ROBO2: variants seen among roughly 807,000 people sequenced by gnomAD.
ROBO2 encodes roundabout homolog 2.
A neutral mutation model predicts 160.8 loss-of-function variants in ROBO2; 53 were observed. The observed-to-expected ratio is 0.33, with a 90% confidence interval of 0.26 to 0.41. The LOEUF (loss-of-function observed/expected upper bound fraction) is 0.41, where lower values mean the gene tolerates loss of function less well. Among genes scored for constraint, ROBO2 ranks in the 10% least tolerant of loss-of-function variants. The pLI is 1.00. For missense variants in ROBO2, 1,577 were observed against 1,722.4 expected, an observed-to-expected ratio of 0.92 and a Z score of 1.49; for synonymous variants, 664 against 611.7, an observed-to-expected ratio of 1.09 and a Z score of -1.26.
chr3:77,117,020 T>G (rs2150230332), intron 2 of ROBO2, among the ~76,000 whole-genome samples: 1 of 152,286 alleles, frequency 6.6e-6, no homozygotes, highest in Non-Finnish European at 1.5e-5. Context: ...TCAGATTTAA[T>G]AAGACAAAAG....
rs186723490 is a variant in ROBO2 at position 76,632,719 on chromosome 3, A to G, written c.110-465295A>G. Among the ~76,000 whole-genome samples the G allele has an allele frequency of 4.0e-4, 61 of 152,320 alleles. 1 individual carries two copies. The East Asian group carries it at 0.012, about 29-fold the overall frequency. On this transcript the variant is annotated intron_variant, in intron 2 of 26. Transcript: ENST00000487694. ...ATCACAAGGGTAGATTTCTCATTTA[A>G]CGAATTTCAAAAACATAAGTAATAT...
intron 25 of ROBO2, among the ~76,000 whole-genome samples, chr3:77,645,454 AT>A (rs2095403635): frequency 6.6e-6 from 1 of 152,182 alleles, no homozygotes; most frequent in Admixed American, 6.5e-5. Context: ...AATTTTCTAA[AT>A]GTAAAATACT....
chr3:76,948,195 CTT>C (rs1214951693), intron 2 of ROBO2, among the ~76,000 whole-genome samples: 2 of 152,126 alleles, frequency 1.3e-5, no homozygotes, highest in African/African-American at 4.8e-5. Context: ...AATTTTCACT[CTT>C]GGCAGAAAAG....
At chr3:77,046,072 G>A (rs748401007) in intron 1 of ROBO2, among the ~76,000 whole-genome samples, 2 of 152,028 alleles carry the variant, frequency 1.3e-5, no homozygotes, top group Non-Finnish European at 2.9e-5. Context: ...GAACATCCAC[G>A]TACTAACTTT....
chr3:77,242,647 T>G (rs906250473), intron 2 of ROBO2, among the ~76,000 whole-genome samples: 4 of 152,070 alleles, frequency 2.6e-5, no homozygotes, highest in African/African-American at 9.7e-5. Context: ...ACAGATTTCT[T>G]GTTGAACTTC....
intron 2 of ROBO2, among the ~76,000 whole-genome samples, chr3:76,897,912 T>C (rs2074931965): frequency 6.6e-6 from 1 of 152,174 alleles, no homozygotes; most frequent in Non-Finnish European, 1.5e-5. Context: ...AAACTGTTCA[T>C]AACTGATTTG....
chr3:75,999,112 G>A (rs1576429356), intron 2 of ROBO2, among the ~76,000 whole-genome samples: 2 of 152,072 alleles, frequency 1.3e-5, no homozygotes, highest in African/African-American at 4.8e-5. Context: ...ATTTGGGTCA[G>A]GCTAGTTACT....
chr3:76,012,982 G>A (rs1410705291), intron 2 of ROBO2, among the ~76,000 whole-genome samples: 3 of 150,464 alleles, frequency 2.0e-5, no homozygotes, highest in African/African-American at 7.4e-5. Flanking sequence ...ACTGGGCACG[G>A]TGGCTTATGC....
At chr3:75,911,061 G>T (rs559243706) in intron 1 of ROBO2, among the ~76,000 whole-genome samples, 8 of 151,986 alleles carry the variant, frequency 5.3e-5, no homozygotes, top group African/African-American at 1.9e-4. Context: ...AGTGAAAAAT[G>T]TAGTTTTTTA....
intron 2 of ROBO2, among the ~76,000 whole-genome samples, chr3:76,717,236 G>A (rs2093394557): frequency 1.3e-5 from 2 of 152,144 alleles, no homozygotes; most frequent in Admixed American, 1.3e-4. Context: ...GCTCACGCCT[G>A]TAATCCCTGC....
At chr3:76,819,861 G>C (rs1227577077) in intron 2 of ROBO2, among the ~76,000 whole-genome samples, 1 of 152,066 alleles carries the variant, frequency 6.6e-6, no homozygotes. Flanking sequence ...TTTCAATTGG[G>C]ACCTGTGTCG....
chr3:77,061,835 G>C (rs1164678304), intron 1 of ROBO2, among the ~76,000 whole-genome samples: 1 of 152,128 alleles, frequency 6.6e-6, no homozygotes, highest in South Asian at 2.1e-4. Flanking sequence ...TTCTATGCAG[G>C]ACAGGAATAC....
intron 2 of ROBO2, among the ~76,000 whole-genome samples, chr3:76,760,456 T>G (rs1448849832): frequency 1.3e-5 from 2 of 151,674 alleles, no homozygotes; most frequent in Non-Finnish European, 2.9e-5. Flanking sequence ...GAACACTTCT[T>G]CTATAGCCAA....
At chr3:77,095,698 T>A (rs1312465052) in intron 1 of ROBO2, among the ~76,000 whole-genome samples, 1 of 152,224 alleles carries the variant, frequency 6.6e-6, no homozygotes, top group South Asian at 2.1e-4. Flanking sequence ...TCCAGACCTT[T>A]ACATTGAGAA....
At chr3:76,464,336 G>A (rs898738064) in intron 2 of ROBO2, among the ~76,000 whole-genome samples, 5 of 152,116 alleles carry the variant, frequency 3.3e-5, no homozygotes, top group Admixed American at 2.0e-4. Flanking sequence ...ATGTGAAAAC[G>A]TTTCCCAGGT....
At chr3:75,991,079 C>G (rs1192228384) in intron 2 of ROBO2, among the ~76,000 whole-genome samples, 1 of 152,168 alleles carries the variant, frequency 6.6e-6, no homozygotes. Context: ...TTTCCTGGTT[C>G]CTAGCTTTCA....
intron 1 of ROBO2, among the ~76,000 whole-genome samples, chr3:77,049,886 A>G (rs543612363): frequency 6.6e-6 from 1 of 152,358 alleles, no homozygotes; most frequent in Middle Eastern, 3.4e-3. Flanking sequence ...TGCAGCACTT[A>G]TAACCAATTA....
At chr3:77,155,153 G>A (rs1004813755) in intron 2 of ROBO2, among the ~76,000 whole-genome samples, 12 of 152,014 alleles carry the variant, frequency 7.9e-5, no homozygotes, top group Non-Finnish European at 1.8e-4. Flanking sequence ...AGATGACTGT[G>A]GTATATAGGA....
intron 2 of ROBO2, among the ~76,000 whole-genome samples, chr3:76,343,554 C>T (rs1457907633): frequency 2.0e-5 from 3 of 151,496 alleles, no homozygotes; most frequent in South Asian, 2.1e-4. Context: ...AACGTAACTG[C>T]GGTTTTTGCC....
Sources: gnomAD v4.1 joint callset for allele counts (sites outside exome capture counted in the v4.1 genomes callset) on GRCh38, gnomAD v4.1.1 for gene constraint, MANE v1.5 for transcripts, NCBI Gene and HGNC (gene_info 2026-07-23, HGNC 2026-07-21) for gene names.